Variants in BAIAP2 observed in about 807,000 individuals in gnomAD.
BAIAP2 encodes the protein BAR/IMD domain containing adaptor protein 2, also known as BAR/IMD domain-containing adapter protein 2.
A neutral mutation model predicts 63.0 loss-of-function variants in BAIAP2; 18 were observed. That is an observed-to-expected ratio of 0.29 (90% CI 0.20 to 0.42). The LOEUF is 0.42. BAIAP2 is among the 10% of genes least tolerant of loss of function. The pLI is 1.00. For synonymous variants in BAIAP2, 386 were observed against 307.6 expected (o/e 1.25, Z -2.67); for missense variants, 610 against 734.3 (o/e 0.83, Z 1.96).
At chr17:81,054,688 G>C (rs925743850) in intron 2 of BAIAP2, among the ~76,000 whole-genome samples, 9 of 152,176 alleles carry the variant, frequency 5.9e-5, no homozygotes, top group South Asian at 2.1e-4. Context: ...CTCACAAAGA[G>C]CCGGGACAGA....
intron 13 of BAIAP2, among the ~76,000 whole-genome samples, chr17:81,113,056 AAAT>A (rs1490052123): frequency 7.2e-5 from 11 of 152,216 alleles, no homozygotes; most frequent in East Asian, 3.8e-4. Context: ...CCCTGTCTCA[AAAT>A]AATAATACAA....
chr17:81,102,474 C>T (rs2058628540), intron 7 of BAIAP2, among the ~76,000 whole-genome samples: 1 of 152,242 alleles, frequency 6.6e-6, no homozygotes, highest in Non-Finnish European at 1.5e-5. Context: ...CGTGCCGTCT[C>T]CAGCTCTGTT....
Position 81,104,728 on chromosome 17 carries a change from CG to C in BAIAP2, c.1268+18del. 6.4e-7 allele frequency: 1 copy of C among 1,551,842 alleles called. No individual in the cohort carries two copies. On this transcript the variant is annotated intron_variant, in intron 10 of 13. Coordinates refer to ENST00000428708, the MANE Select transcript of BAIAP2 (RefSeq NM_001144888.2). ...AGAAGACCAAGATGTGAGTGTTTCT[CG>C]GGGGCGGGCTCCAGGCAGCCGCTGC...
At chr17:81,051,667 C>G (rs919543020) in intron 1 of BAIAP2, among the ~76,000 whole-genome samples, 4 of 152,096 alleles carry the variant, frequency 2.6e-5, no homozygotes, top group Admixed American at 2.6e-4. Flanking sequence ...GTTGGGATTA[C>G]GAGCGTGAGC....
chr17:81,042,993 A>G (rs1386305258), intron 1 of BAIAP2, among the ~76,000 whole-genome samples: 1 of 152,048 alleles, frequency 6.6e-6, no homozygotes, highest in African/African-American at 2.4e-5. Context: ...AAGCAATTCC[A>G]AGAAGCTGGG....
intron 10 of BAIAP2, chr17:81,105,122 C>CT (rs1405454203): frequency 2.4e-4 from 41 of 168,944 alleles, no homozygotes; most frequent in Non-Finnish European, 3.6e-4. Context: ...TGGCAGGGGT[C>CT]TGCCCCATGG....
At chr17:81,071,841 C>G (rs1465054934) in intron 3 of BAIAP2, among the ~76,000 whole-genome samples, 3 of 152,270 alleles carry the variant, frequency 2.0e-5, no homozygotes, top group African/African-American at 7.2e-5. Flanking sequence ...GTTCCCACGC[C>G]AAGTAGGGCC....
chr17:81,073,212 T>C (rs897099392), intron 3 of BAIAP2, among the ~76,000 whole-genome samples: 21 of 152,160 alleles, frequency 1.4e-4, no homozygotes, highest in Non-Finnish European at 2.8e-4. Flanking sequence ...GAAGCCTCCT[T>C]CTCGGACCTT....
chr17:81,039,137 A>T (rs1598474587), intron 1 of BAIAP2, among the ~76,000 whole-genome samples: 1 of 152,252 alleles, frequency 6.6e-6, no homozygotes, highest in Non-Finnish European at 1.5e-5. Context: ...TGTCTGTGTT[A>T]CCCGCCCTCG....
rs1366753679 is a variant in BAIAP2 at position 81,116,156 on chromosome 17, A to T, written c.*317A>T. 1.9e-6 allele frequency: 3 copies of T among 1,602,014 alleles called. No homozygotes were observed. The highest frequency in any genetic ancestry group is 2.6e-6 in the Non-Finnish European group (3 of 1,174,136). Reference sequence around the variant, plus strand: ...CTGAGTTAAGGGAGGACATTTGGCCAGCTGGTGGCTGGGAGGGGAGCCTGG... The same window carrying T: ...CTGAGTTAAGGGAGGACATTTGGCCTGCTGGTGGCTGGGAGGGGAGCCTGG... On this transcript the variant is annotated 3_prime_UTR_variant, in exon 14 of 14. Coordinates refer to ENST00000428708, the MANE Select transcript of BAIAP2 (RefSeq NM_001144888.2).
At chr17:81,106,986 C>G in intron 12 of BAIAP2, 79 bp downstream of exon 12, 1 of 1,431,738 alleles carries the variant, frequency 7.0e-7, no homozygotes, top group Non-Finnish European at 9.2e-7. Context: ...GTTGGAGCCT[C>G]CGCTGAGGGG....
chr17:81,096,706 G>T (rs930005595), intron 6 of BAIAP2, among the ~76,000 whole-genome samples: 4 of 152,270 alleles, frequency 2.6e-5, no homozygotes, highest in Admixed American at 2.6e-4. Context: ...AGCACAGCGG[G>T]CTCAGGTGTC....
At chr17:81,099,251 T>C (rs916623786) in intron 6 of BAIAP2, among the ~76,000 whole-genome samples, 1 of 151,072 alleles carries the variant, frequency 6.6e-6, no homozygotes, top group Non-Finnish European at 1.5e-5. Context: ...TCTCCCTTGG[T>C]GCACGCTTAT....
At chr17:81,045,144 C>G (rs929572061) in intron 1 of BAIAP2, among the ~76,000 whole-genome samples, 1 of 152,218 alleles carries the variant, frequency 6.6e-6, no homozygotes, top group African/African-American at 2.4e-5. Context: ...GGCTTTTGCC[C>G]TTGTGGACCT....
Position 81,079,537 on chromosome 17 carries a change from C to T in BAIAP2, c.218-5295C>T, listed in dbSNP as rs1053051629. Reference sequence around the variant, plus strand: ...TCCGATGCTCCTCCTCCTCCTCACTCCCCAGCATCCCTAGGCAGCCCTGGG... The same window carrying T: ...TCCGATGCTCCTCCTCCTCCTCACTTCCCAGCATCCCTAGGCAGCCCTGGG... On this transcript the variant is annotated intron_variant, in intron 3 of 13. Coordinates refer to ENST00000428708, the MANE Select transcript of BAIAP2 (RefSeq NM_001144888.2). 2.0e-5 allele frequency among the ~76,000 whole-genome samples: 3 copies of T among 152,236 alleles called. No homozygotes were observed. The East Asian group carries it at 5.8e-4, about 29-fold the overall frequency.
chr17:81,102,465 G>T (rs375335328), intron 7 of BAIAP2, among the ~76,000 whole-genome samples: 1 of 152,236 alleles, frequency 6.6e-6, no homozygotes, highest in Non-Finnish European at 1.5e-5. Flanking sequence ...TCTGTGGGCC[G>T]TGCCGTCTCC....
At chr17:81,101,998 G>A (rs2058555338) in intron 7 of BAIAP2, among the ~76,000 whole-genome samples, 1 of 152,206 alleles carries the variant, frequency 6.6e-6, no homozygotes, top group African/African-American at 2.4e-5. Flanking sequence ...CAGTGGCTGG[G>A]GTGCTGCCTG....
At chr17:81,084,433 A>G (rs570422075) in intron 3 of BAIAP2, among the ~76,000 whole-genome samples, 1 of 152,198 alleles carries the variant, frequency 6.6e-6, no homozygotes, top group African/African-American at 2.4e-5. Context: ...CAGACTGTCC[A>G]CCTGGCCTGA....
chr17:81,115,359 C>T (rs551830232), intron 13 of BAIAP2, among the ~76,000 whole-genome samples: 173 of 152,324 alleles, frequency 1.1e-3, no homozygotes, highest in African/African-American at 3.9e-3. Context: ...TGGGTGTGGG[C>T]CTGGCCTGGT....
Sources: gnomAD v4.1 joint callset for allele counts (sites outside exome capture counted in the v4.1 genomes callset) on GRCh38, gnomAD v4.1.1 for gene constraint, MANE v1.5 for transcripts, NCBI Gene and HGNC (gene_info 2026-07-23, HGNC 2026-07-21) for gene names.